The following ANKRD24 variants were observed in gnomAD, a reference collection of about 807,000 sequenced individuals.
ANKRD24 encodes the protein ankyrin repeat domain 24.
A neutral mutation model predicts 127.8 loss-of-function variants in ANKRD24; 109 were observed. The observed-to-expected ratio is 0.85, with a 90% CI of 0.73 to 1.00. ANKRD24 has a LOEUF of 1.00. Ranked by LOEUF, ANKRD24 falls within the 50% of genes least tolerant of loss-of-function variation. ANKRD24 has a pLI of 0.00. For synonymous variants in ANKRD24, 743 were observed against 671.1 expected, an observed-to-expected ratio of 1.11 and a Z score of -1.66; for missense variants, 1,648 against 1,570.2, an observed-to-expected ratio of 1.05 and a Z score of -0.84.
At chr19:4,188,103 G>A (rs975263960) in intron 2 of ANKRD24, among the ~76,000 whole-genome samples, 3 of 152,104 alleles carry the variant, frequency 2.0e-5, no homozygotes, top group African/African-American at 7.2e-5. Flanking sequence ...TTGAGATGGA[G>A]TTTCCCTCTT....
At chr19:4,218,894 A>G (rs954467006) in intron 18 of ANKRD24, among the ~76,000 whole-genome samples, 2 of 151,720 alleles carry the variant, frequency 1.3e-5, no homozygotes, top group African/African-American at 2.4e-5. Context: ...CAGCCTCCCA[A>G]GTAGCTGGTA....
rs1003526355 is a variant in ANKRD24, at chr19:4,224,363, G to A, written c.3364-65G>A. On this transcript the variant is annotated intron_variant, in intron 21 of 21. Transcript: ENST00000318934. ...CTGGCTGGCTTGGTCTATGGGAGTGGTGGAGGGACTTGGGGCAGCCATGGA... is the reference window on the plus strand; with the variant it reads ...CTGGCTGGCTTGGTCTATGGGAGTGATGGAGGGACTTGGGGCAGCCATGGA... 39 of 1,554,162 alleles carry A rather than the reference G, an allele frequency of 2.5e-5. No homozygotes were observed. In the Middle Eastern group the frequency reaches 8.4e-4, roughly 33 times the overall value.
In ANKRD24 at chr19:4,207,280, T is replaced by G. The variant is rs755293519; in HGVS notation, c.505T>G (p.Ser169Ala). Residue 169 changes from serine to alanine, a missense_variant, in exon 8 of 22, where the codon TCC (serine) becomes GCC (alanine). By Grantham distance (99) the Ser-to-Ala change is moderately conservative. Transcript: ENST00000318934. Reference protein sequence around the residue: ...GCLSCSEVLCSFKAHLNPQDR... With the variant: ...GCLSCSEVLCAFKAHLNPQDR... ...TCTCTCCTGCTCAGAGGTGCTCTGCTCCTTTAAGGCACATCTAAACCCCCA... is the reference window on the plus strand; with the variant it reads ...TCTCTCCTGCTCAGAGGTGCTCTGCGCCTTTAAGGCACATCTAAACCCCCA... 1.2e-6 allele frequency: 2 copies of G among 1,613,824 alleles called. No individual in the cohort carries two copies. Among genetic ancestry groups the G allele is most frequent in the Admixed American group, 3.3e-5 (2 of 59,988 alleles).
chr19:4,190,209 G>A (rs1968305986), intron 2 of ANKRD24, among the ~76,000 whole-genome samples: 2 of 152,102 alleles, frequency 1.3e-5, no homozygotes, highest in African/African-American at 4.8e-5. Flanking sequence ...GCCGAGGTGG[G>A]TGGGTCACGA....
At chr19:4,203,202 C>A (rs1055048225) in intron 7 of ANKRD24, among the ~76,000 whole-genome samples, 15 of 151,964 alleles carry the variant, frequency 9.9e-5, no homozygotes, top group African/African-American at 3.4e-4. Flanking sequence ...CACCTGCCAC[C>A]ACACCTGGCT....
At position 4,216,010 on chromosome 19, in the gene ANKRD24, C is replaced by T. The variant is rs368841255; in HGVS notation, c.1230C>T (p.Thr410=). 6.2e-7 allele frequency: 1 copy of T among 1,601,502 alleles called. No homozygotes were observed. The stretch of plus-strand genomic sequence containing the variant: ...GGGAGAATACTAGCTATGACGTAAC[C>T]ACCCTGCAGGATGAGGAGGGTGAGC... ...NERENTSYDV[T]TLQDEEGELP... Residue 410 remains threonine (T), a synonymous_variant, in exon 16 of 22, where the codon ACC becomes ACT. Transcript: ENST00000318934.
chr19:4,224,560 C>A lies in ANKRD24; in HGVS notation c.*55C>A. 2 of 1,501,688 alleles carry A rather than the reference C, an allele frequency of 1.3e-6. No homozygotes were observed. Among genetic ancestry groups the A allele is most frequent in the Non-Finnish European group, 1.8e-6 (2 of 1,099,084 alleles). The allele number at this position is 1,501,688 out of a possible 1,614,324, so 93.0% of individuals were successfully genotyped here. A position where few individuals can be genotyped will look rare whatever the true frequency, so the allele number is the denominator to read the frequency against. On this transcript the variant is annotated 3_prime_UTR_variant, in exon 22 of 22. Transcript: ENST00000318934. The stretch of plus-strand genomic sequence containing the variant: ...CACACCCACGCAGGGACCTCACCCC[C>A]CTGCAGGCCCCTTGCAGACCGGCTT...
intron 13 of ANKRD24, among the ~76,000 whole-genome samples, chr19:4,210,733 GCCCACTTCCCAT>G (rs1969677749): frequency 6.6e-6 from 1 of 151,044 alleles, no homozygotes. Flanking sequence ...CACTTCCCAT[GCCCACTTCCCAT>G]GCCCACTTTC....
At position 4,208,638 on chromosome 19, in the gene ANKRD24, A is replaced by G. The variant is rs529675035; in HGVS notation, c.833-126A>G. ...TCTCTCAGCACTCTACCCAAGCGCC[A>G]GATTTCTACCTTAAACGCCCTGATT... On this transcript the variant is annotated intron_variant, in intron 10 of 21. Transcript: ENST00000318934. The G allele has an allele frequency of 9.7e-4, 862 of 885,538 alleles. 7 individuals carry two copies. Among genetic ancestry groups the G allele is most frequent in the South Asian group, 6.0e-3 (370 of 61,382 alleles). The allele number at this position is 885,538 out of a possible 1,614,324, so 54.9% of individuals were successfully genotyped here.
chr19:4,223,386 TATATATATATA>T (rs1970552071), intron 20 of ANKRD24, among the ~76,000 whole-genome samples: 1 of 82,482 alleles, frequency 1.2e-5, no homozygotes, highest in African/African-American at 6.3e-5. Context: ...TATATATATA[TATATATATATA>T]TATATTTTTT....
chr19:4,193,815 C>G (rs111476602), intron 2 of ANKRD24, among the ~76,000 whole-genome samples: 2 of 25,098 alleles, frequency 8.0e-5, no homozygotes, highest in Admixed American at 6.4e-4. Context: ...CCAGCCTGGG[C>G]GACAGAGCGA....
At position 4,198,531 on chromosome 19, in the gene ANKRD24, C is replaced by T. The variant is rs1214004431; in HGVS notation, c.37-1152C>T. 6.7e-6 allele frequency: 4 copies of T among 596,548 alleles called. No individual in the cohort carries two copies. Among genetic ancestry groups the T allele is most frequent in the Admixed American group, 2.7e-5 (1 of 36,488 alleles). 37.0% of individuals were successfully genotyped at this position (596,548 alleles called of 1,614,324 possible). A position where few individuals can be genotyped will look rare whatever the true frequency, so the allele number is the denominator to read the frequency against. On this transcript the variant is annotated intron_variant, in intron 2 of 21. Transcript: ENST00000318934. This position sits in a 1 kb window ranked among gnomAD's most constrained non-coding sequence, Gnocchi z 6.1. ...TGTCTGTGCGCAGCCGCCTCCTTCG[C>T]GGTAGGGCCCGGGGAGGGGGCGCAG...
chr19:4,209,314 G>A (rs1640321155), intron 11 of ANKRD24, among the ~76,000 whole-genome samples: 1 of 151,788 alleles, frequency 6.6e-6, no homozygotes, highest in African/African-American at 2.4e-5. Context: ...CACCCTGTTG[G>A]CCAGGCTGGT....
intron 2 of ANKRD24, among the ~76,000 whole-genome samples, chr19:4,197,358 G>T (rs1362834298): frequency 1.5e-5 from 2 of 134,434 alleles, no homozygotes; most frequent in Non-Finnish European, 3.4e-5. Flanking sequence ...ATGAGCAAAT[G>T]AGTGTGGGAA....
At position 4,217,867 on chromosome 19, in the gene ANKRD24, C is replaced by T. The variant is rs534879406; in HGVS notation, c.2707C>T (p.Arg903Trp). The change falls in exon 18 of 22, where the codon CGG becomes TGG. Residue 903 changes from arginine (R) to tryptophan (W), a missense_variant. Arg to Trp is a moderately radical substitution (Grantham distance 101). Coordinates refer to ENST00000318934, the MANE Select transcript of ANKRD24 (RefSeq NM_001393985.1). ...GGCGCGGCAGGGCCTGGCCGAGCTG[C>T]GGGAGGCCTCCGAGGCCCTCCGCCA... ...EEARQGLAELREASEALRQSV... is the reference protein window; with the variant it reads ...EEARQGLAELWEASEALRQSV... 6.2e-6 allele frequency: 9 copies of T among 1,458,942 alleles called. No homozygotes were observed. The highest frequency in any genetic ancestry group is 3.0e-5 in the East Asian group (1 of 33,492). The allele number at this position is 1,458,942 out of a possible 1,614,324, so 90.4% of individuals were successfully genotyped here.
chr19:4,190,569 G>A (rs1047131276), intron 2 of ANKRD24, among the ~76,000 whole-genome samples: 6 of 151,082 alleles, frequency 4.0e-5, no homozygotes, highest in African/African-American at 1.5e-4. Flanking sequence ...TACTAAAAAT[G>A]CAAAAATTAG....
At chr19:4,206,079 T>C (rs1969364666) in intron 7 of ANKRD24, among the ~76,000 whole-genome samples, 1 of 151,402 alleles carries the variant, frequency 6.6e-6, no homozygotes, top group African/African-American at 2.4e-5. Flanking sequence ...GAGGTGGAGG[T>C]TGCAGTGAGC....
intron 19 of ANKRD24, among the ~76,000 whole-genome samples, chr19:4,221,833 CCTGGG>C (rs1304214256): frequency 6.6e-6 from 1 of 152,130 alleles, no homozygotes; most frequent in Non-Finnish European, 1.5e-5. Flanking sequence ...GGGATCATTT[CCTGGG>C]CTGGGGCCAT....
chr19:4,216,985 AT>A lies in ANKRD24; in HGVS notation c.1826del (p.Met609ArgfsTer89). On this transcript the variant is annotated frameshift_variant, in exon 18 of 22. Transcript: ENST00000318934. LOFTEE classifies it high-confidence loss of function. Reference sequence around the variant, plus strand: ...ACCCACAGGGGCTGAGGTCAGAGAAATGGAGACCACAGAAGAAGAAGCAAAC... The same window carrying A: ...ACCCACAGGGGCTGAGGTCAGAGAAAGGAGACCACAGAAGAAGAAGCAAAC... Reference protein sequence around the residue: ...TKPTGAEVREMETTEEEANME... With the variant: ...TKPTGAEVREXETTEEEANME... 6.2e-7 allele frequency: 1 copy of A among 1,613,330 alleles called. No homozygotes were observed. The highest frequency in any genetic ancestry group is 8.5e-7 in the Non-Finnish European group (1 of 1,179,668).
Sources: gnomAD v4.1 joint callset for allele counts (sites outside exome capture counted in the v4.1 genomes callset) on GRCh38, gnomAD v4.1.1 for gene constraint, Gnocchi (gnomAD v3.1) non-coding constraint, MANE v1.5 for transcripts, NCBI Gene and HGNC (gene_info 2026-07-23, HGNC 2026-07-21) for gene names.